BIN1: variants seen among roughly 807,000 people sequenced by gnomAD.
The protein encoded by BIN1 is bridging integrator 1.
In BIN1, 53 loss-of-function variants were observed where a neutral mutation model predicts 82.0. The ratio of observed to expected loss-of-function variants is 0.65; its 90% CI spans 0.52 to 0.81. The LOEUF (loss-of-function observed/expected upper bound fraction) is 0.81, where lower values mean the gene tolerates loss of function less well. BIN1 is among the 40% of genes least tolerant of loss of function. The probability of loss-of-function intolerance (pLI) is 0.00; values close to 1 mark genes in which losing one functional copy is unlikely to be tolerated. For missense variants in BIN1, 642 were observed against 784.4 expected (o/e 0.82, Z 2.17); for synonymous variants, 302 against 328.0 (o/e 0.92, Z 0.86).
At position 127,085,754 on chromosome 2, in the gene BIN1, G is replaced by A. The variant is rs536891830; in HGVS notation, c.85-9048C>T. On this transcript the variant is annotated intron_variant, in intron 1 of 18. Coordinates refer to ENST00000316724, the MANE Select transcript of BIN1 (RefSeq NM_139343.3). ...CACACCCTCAGGGCTGCTCCGAAAGGGGGAGCTGAGCCAGGCCTCAGCCCC... is the reference window on the plus strand; with the variant it reads ...CACACCCTCAGGGCTGCTCCGAAAGAGGGAGCTGAGCCAGGCCTCAGCCCC... Among the ~76,000 whole-genome samples the A allele has an allele frequency of 4.6e-5, 7 of 152,306 alleles. 1 individual carries two copies. The South Asian group carries it at 1.5e-3, about 32-fold the overall frequency.
At chr2:127,080,969 G>C (rs1296563780) in intron 1 of BIN1, among the ~76,000 whole-genome samples, 1 of 152,250 alleles carries the variant, frequency 6.6e-6, no homozygotes, top group Non-Finnish European at 1.5e-5. Flanking sequence ...CAGGGGCTCA[G>C]TGGGAGCATC....
In BIN1 at chr2:127,070,085, G is replaced by A. The variant is rs529323298; in HGVS notation, c.321C>T (p.Asn107=). 2.2e-5 allele frequency: 35 copies of A among 1,613,840 alleles called. No individual in the cohort carries two copies. The highest frequency in any genetic ancestry group is 1.6e-4 in the Middle Eastern group (1 of 6,062). ...RDEANKIAEN[N]DLLWMDYHQK... ...GGTGGTAATCCATCCACAGCAGGTC[G>A]TTGTTCTGAGACAGGCAAGAGCACG... Residue 107 remains asparagine, a synonymous_variant, in exon 5 of 19, where the codon AAC becomes AAT. Coordinates refer to ENST00000316724, the MANE Select transcript of BIN1 (RefSeq NM_139343.3).
chr2:127,051,590 C>T lies in BIN1; in HGVS notation c.1372-347G>A, dbSNP rs1260828452. On this transcript the variant is annotated intron_variant, in intron 15 of 18. Coordinates refer to ENST00000316724, the MANE Select transcript of BIN1 (RefSeq NM_139343.3). ...ACCTCGCCCAGCCACAGCCACCACCCGCCCACCCTGCTTGACCCGGCAGGT... is the reference window on the plus strand; with the variant it reads ...ACCTCGCCCAGCCACAGCCACCACCTGCCCACCCTGCTTGACCCGGCAGGT... Among the ~76,000 whole-genome samples, 8 of 152,124 alleles carry T rather than the reference C, an allele frequency of 5.3e-5. No individual in the cohort carries two copies. In the East Asian group the frequency reaches 1.5e-3, roughly 29 times the overall value.
Position 127,057,156 on chromosome 2 carries a change from C to T in BIN1, c.1131+317G>A, listed in dbSNP as rs1390087425. Among the ~76,000 whole-genome samples, 2 of 152,234 alleles carry T rather than the reference C, an allele frequency of 1.3e-5. No homozygotes were observed. The highest frequency in any genetic ancestry group is 6.5e-5 in the Admixed American group (1 of 15,288). ...CTGGAAGCCTTCCCTGACAGCCACA[C>T]GTCCTCCACACTCCCCGATCCCCTC... is the stretch of plus-strand genomic sequence containing the variant. On this transcript the variant is annotated intron_variant, in intron 12 of 18. Coordinates refer to ENST00000316724, the MANE Select transcript of BIN1 (RefSeq NM_139343.3). The surrounding 1 kb of genome is among the most constrained non-coding windows in gnomAD (Gnocchi z 5.0).
intron 1 of BIN1, among the ~76,000 whole-genome samples, chr2:127,083,325 C>G (rs1316542709): frequency 2.0e-5 from 3 of 152,150 alleles, no homozygotes; most frequent in African/African-American, 7.2e-5. Flanking sequence ...AGTGATCCTC[C>G]CACCTCAGCA....
intron 10 of BIN1, among the ~76,000 whole-genome samples, chr2:127,061,235 G>T (rs1392504545): frequency 1.3e-5 from 1 of 75,666 alleles, no homozygotes; most frequent in Non-Finnish European, 2.6e-5. Flanking sequence ...CCACCACAAC[G>T]CCACCGTCCT....
chr2:127,068,948 C>A lies in BIN1; in HGVS notation c.495G>T (p.Lys165Asn). Reference protein sequence around the residue: ...HHYESLQTAKKKDEAKIAKPV... With the variant: ...HHYESLQTAKNKDEAKIAKPV... ...CCTTGGCAATTTTGGCTTCATCCTT[C>A]TTTTTGGCAGTTTGAAGGGACTCGT... The change falls in exon 6 of 19, where the codon AAG (lysine) becomes AAT (asparagine). Residue 165 changes from lysine (K) to asparagine (N), a missense_variant. Physicochemically the swap from Lys to Asn is moderately conservative, Grantham distance 94. Coordinates refer to ENST00000316724, the MANE Select transcript of BIN1 (RefSeq NM_139343.3). The surrounding 1 kb of genome is among the most constrained non-coding windows in gnomAD (Gnocchi z 4.9). 6.2e-7 allele frequency: 1 copy of A among 1,614,178 alleles called. No individual in the cohort carries two copies. The highest frequency in any genetic ancestry group is 8.5e-7 in the Non-Finnish European group (1 of 1,180,020).
chr2:127,061,067 G>A (rs1684395507), intron 10 of BIN1, among the ~76,000 whole-genome samples: 1 of 152,200 alleles, frequency 6.6e-6, no homozygotes. Context: ...GGGGAGCCAT[G>A]GTTCTGGCCA....
intron 12 of BIN1, 108 bp from the exon 13 acceptor site, chr2:127,054,120 TACAC>T (rs983324694): frequency 4.9e-5 from 42 of 859,254 alleles, no homozygotes; most frequent in East Asian, 3.2e-4. Context: ...CACACACACA[TACAC>T]ACACCACGCA....
chr2:127,069,851 A>G lies in BIN1; in HGVS notation c.411+144T>C, dbSNP rs1041414879. 3 of 776,600 alleles carry G rather than the reference A, an allele frequency of 3.9e-6. No individual in the cohort carries two copies. The African/African-American group carries it at 5.2e-5, about 13-fold the overall frequency. The allele number at this position is 776,600 out of a possible 1,614,324, so 48.1% of individuals were successfully genotyped here. ...CCGTGGGCTGGTGGCAGAGGGAGCA[A>G]CCCCGGAGGGGTGAAACACCGGGCC... On this transcript the variant is annotated intron_variant, in intron 5 of 18. Coordinates refer to ENST00000316724, the MANE Select transcript of BIN1 (RefSeq NM_139343.3).
intron 1 of BIN1, among the ~76,000 whole-genome samples, chr2:127,094,094 G>A (rs1215329694): frequency 3.9e-5 from 6 of 152,166 alleles, no homozygotes; most frequent in Non-Finnish European, 7.4e-5. Context: ...CTGTTCTCCC[G>A]TTTAATCCTC....
At chr2:127,088,522 G>A (rs765025183) in intron 1 of BIN1, among the ~76,000 whole-genome samples, 19 of 152,136 alleles carry the variant, frequency 1.2e-4, no homozygotes, top group Non-Finnish European at 1.6e-4. Context: ...AATCACCTAA[G>A]GTCAGGAGTT....
chr2:127,081,830 A>G (rs1204155929), intron 1 of BIN1: 1 of 1,287,882 alleles, frequency 7.8e-7, no homozygotes, highest in East Asian at 5.6e-5. Flanking sequence ...TAAGGCCCTC[A>G]CCTTCCGCAT....
At chr2:127,085,037 C>A (rs549630949) in intron 1 of BIN1, among the ~76,000 whole-genome samples, 1 of 152,286 alleles carries the variant, frequency 6.6e-6, no homozygotes, top group East Asian at 1.9e-4. Context: ...CTCCATCCCC[C>A]GCCCCGCCCC....
intron 9 of BIN1, 138 bp downstream of exon 9, chr2:127,063,433 C>G: frequency 1.1e-6 from 1 of 939,166 alleles, no homozygotes; most frequent in East Asian, 2.6e-5. Context: ...TCCACAGGGC[C>G]GGGAGGGAGC....
At chr2:127,079,465 G>T (rs13430599) in intron 1 of BIN1, among the ~76,000 whole-genome samples, 27,482 of 152,186 alleles carry the variant, frequency 0.18, 2,663 homozygotes, top group South Asian at 0.25. Flanking sequence ...CCTCACACCG[G>T]GTCCAGGCTG....
In BIN1 at chr2:127,107,095, G is replaced by A. The variant is rs1681261311; in HGVS notation, c.-152C>T. ...AGCGGAGCCAACTGACGGAGGCGGA[G>A]CGTGCGCCGGACGGGCGAGCGAGCC... On this transcript the variant is annotated 5_prime_UTR_variant, in exon 1 of 19. Transcript: ENST00000316724. This position sits in a 1 kb window ranked among gnomAD's most constrained non-coding sequence, Gnocchi z 5.9. The A allele has an allele frequency of 6.2e-6, 5 of 811,544 alleles. 1 individual carries two copies. The Admixed American group carries it at 2.2e-4, about 36-fold the overall frequency. The allele number at this position is 811,544 out of a possible 1,614,324, so 50.3% of individuals were successfully genotyped here. A position where few individuals can be genotyped will look rare whatever the true frequency, so the allele number is the denominator to read the frequency against.
intron 1 of BIN1, among the ~76,000 whole-genome samples, chr2:127,088,868 G>A (rs1264827639): frequency 6.6e-6 from 1 of 152,136 alleles, no homozygotes; most frequent in Non-Finnish European, 1.5e-5. Context: ...ACCAGGCCAG[G>A]AAGGAAGAAG....
intron 15 of BIN1, 22 bp from the exon 16 acceptor site, chr2:127,051,265 G>C: frequency 6.2e-7 from 1 of 1,612,452 alleles, no homozygotes; most frequent in Non-Finnish European, 8.5e-7. Flanking sequence ...ATGCCGGCTT[G>C]GGGTCAGACA....
Sources: gnomAD v4.1 joint callset for allele counts (sites outside exome capture counted in the v4.1 genomes callset) on GRCh38, gnomAD v4.1.1 for gene constraint, Gnocchi (gnomAD v3.1) non-coding constraint, MANE v1.5 for transcripts, NCBI Gene and HGNC (gene_info 2026-07-23, HGNC 2026-07-21) for gene names.